The following LIPI variants were observed in gnomAD, a reference collection of about 807,000 sequenced individuals.
LIPI encodes the protein lipase member I.
LIPI carries 59 observed loss-of-function variants against 50.6 expected under a neutral mutation model. That is an observed-to-expected ratio of 1.16 (90% CI 0.94 to 1.45). The LOEUF is 1.45. Among genes scored for constraint, LIPI ranks in the 40% most tolerant of loss-of-function variants. LIPI has a pLI of 0.00. For missense variants in LIPI, 586 were observed against 536.3 expected (o/e 1.09, Z -0.92); for synonymous variants, 203 against 178.2 (o/e 1.14, Z -1.11).
Position 14,109,067 on chromosome 21 carries a change from TG to T in LIPI, c.1308del (p.Cys436Ter). ...CTGTCTTTAAGTACAATATTATACCTGCAAAGTGGTGGTCTGAGAAAGAGAA... is the reference window on the plus strand; with the variant it reads ...CTGTCTTTAAGTACAATATTATACCTCAAAGTGGTGGTCTGAGAAAGAGAA... ...SLTYPERPPL[C>X]RYNIVLKDRE... On this transcript the variant is annotated frameshift_variant, in exon 10 of 10. Coordinates refer to ENST00000681601, the MANE Select transcript of LIPI (RefSeq NM_001302998.2). LOFTEE classifies it high-confidence loss of function. 6.3e-7 allele frequency: 1 copy of T among 1,595,440 alleles called. No individual in the cohort carries two copies. Among genetic ancestry groups the T allele is most frequent in the Non-Finnish European group, 8.6e-7 (1 of 1,163,638 alleles).
chr21:14,133,890 C>T (rs2017391833), intron 9 of LIPI, among the ~76,000 whole-genome samples: 1 of 152,136 alleles, frequency 6.6e-6, no homozygotes, highest in Admixed American at 6.5e-5. Flanking sequence ...TGCTACAACA[C>T]ATTAAAATAC....
intron 1 of LIPI, among the ~76,000 whole-genome samples, chr21:14,208,346 T>A (rs2020279945): frequency 6.6e-6 from 1 of 152,200 alleles, no homozygotes; most frequent in African/African-American, 2.4e-5. Context: ...TTTTATCACA[T>A]ACTACAAGTT....
intron 1 of LIPI, among the ~76,000 whole-genome samples, chr21:14,203,423 TG>T (rs1387713368): frequency 2.0e-5 from 3 of 152,056 alleles, no homozygotes; most frequent in Non-Finnish European, 4.4e-5. Flanking sequence ...AGCAAAGACT[TG>T]GAACCAACCC....
chr21:14,210,621 G>GCA (rs1172611375), intron 1 of LIPI, among the ~76,000 whole-genome samples, 179 bp downstream of exon 1: 2 of 151,318 alleles, frequency 1.3e-5, no homozygotes, highest in South Asian at 2.1e-4. Context: ...ACAAACACAT[G>GCA]CACACACACA....
intron 9 of LIPI, among the ~76,000 whole-genome samples, chr21:14,133,398 A>G (rs1334487293): frequency 6.6e-6 from 1 of 152,220 alleles, no homozygotes; most frequent in African/African-American, 2.4e-5. Flanking sequence ...CAATAGATCT[A>G]GAAAAAGCAT....
At chr21:14,152,227 A>C (rs1033335510) in intron 8 of LIPI, among the ~76,000 whole-genome samples, 1 of 151,986 alleles carries the variant, frequency 6.6e-6, no homozygotes, top group Non-Finnish European at 1.5e-5. Context: ...CAGCCTCCTG[A>C]GTAGCTGGGA....
chr21:14,141,306 T>C (rs148217489), intron 9 of LIPI, among the ~76,000 whole-genome samples: 1 of 152,040 alleles, frequency 6.6e-6, no homozygotes, highest in Admixed American at 6.6e-5. Flanking sequence ...ATTCTATAAG[T>C]TATTGATAAA....
intron 8 of LIPI, among the ~76,000 whole-genome samples, chr21:14,149,963 G>A (rs1356058862): frequency 6.6e-6 from 1 of 152,206 alleles, no homozygotes; most frequent in Non-Finnish European, 1.5e-5. Flanking sequence ...CTGGAGGAAT[G>A]TAGCCTTTTT....
chr21:14,150,336 T>G (rs80234616), intron 8 of LIPI, among the ~76,000 whole-genome samples: 6,642 of 152,252 alleles, frequency 0.044, 352 homozygotes, highest in East Asian at 0.27. Context: ...ATCTCTAGGT[T>G]TTTGATACAT....
chr21:14,180,534 G>T (rs2019236384), intron 4 of LIPI, among the ~76,000 whole-genome samples: 1 of 152,188 alleles, frequency 6.6e-6, no homozygotes, highest in South Asian at 2.1e-4. Context: ...AATATCGGGG[G>T]TGGGTTCCCC....
At chr21:14,129,292 C>CGA (rs1321785834) in intron 9 of LIPI, among the ~76,000 whole-genome samples, 1 of 151,578 alleles carries the variant, frequency 6.6e-6, no homozygotes, top group Non-Finnish European at 1.5e-5. Context: ...TACAGAATGG[C>CGA]GAGACAAATA....
At chr21:14,138,824 T>C (rs539262818) in intron 9 of LIPI, among the ~76,000 whole-genome samples, 2 of 152,118 alleles carry the variant, frequency 1.3e-5, no homozygotes, top group Admixed American at 6.6e-5. Flanking sequence ...AGATCTTTCA[T>C]TTTATTTATT....
chr21:14,180,315 T>C (rs1185299322), intron 4 of LIPI, among the ~76,000 whole-genome samples: 2 of 152,182 alleles, frequency 1.3e-5, no homozygotes, highest in East Asian at 3.9e-4. Flanking sequence ...GCATGTGATC[T>C]TTGTACCTAC....
chr21:14,135,695 C>T (rs111468483), intron 9 of LIPI, among the ~76,000 whole-genome samples: 2 of 152,218 alleles, frequency 1.3e-5, no homozygotes, highest in African/African-American at 4.8e-5. Flanking sequence ...CCAAAGTACT[C>T]TTTGCCTCTA....
chr21:14,190,776 C>T (rs369742071), intron 1 of LIPI, among the ~76,000 whole-genome samples: 19 of 152,036 alleles, frequency 1.2e-4, no homozygotes, highest in Admixed American at 9.8e-4. Flanking sequence ...CATGCTACAC[C>T]GTGCAAATTG....
At position 14,165,392 on chromosome 21, in the gene LIPI, T is replaced by A. The variant is rs746546020; in HGVS notation, c.734-2A>T. 5 of 1,605,466 alleles carry A rather than the reference T, an allele frequency of 3.1e-6. No homozygotes were observed. Among genetic ancestry groups the A allele is most frequent in the Admixed American group, 1.7e-5 (1 of 59,734 alleles). ...GGTTGCATTTAATGAATTGAATTCC[T>A]TAAGGGTTAAAAAAAAAACAAAGAA... On this transcript the variant is annotated splice_acceptor_variant, in intron 5 of 9. Coordinates refer to ENST00000681601, the MANE Select transcript of LIPI (RefSeq NM_001302998.2). LOFTEE classifies it high-confidence loss of function.
At chr21:14,196,155 T>TAA (rs545007066) in intron 1 of LIPI, among the ~76,000 whole-genome samples, 4 of 74,718 alleles carry the variant, frequency 5.4e-5, no homozygotes, top group Non-Finnish European at 9.7e-5. Context: ...CACCAAATTG[T>TAA]AAAAAAAAAA....
At chr21:14,117,670 ACAC>A (rs1184087131) in intron 9 of LIPI, among the ~76,000 whole-genome samples, 10 of 152,182 alleles carry the variant, frequency 6.6e-5, no homozygotes, top group African/African-American at 2.4e-4. Flanking sequence ...CTGACTCTAC[ACAC>A]CTTTTGACCC....
chr21:14,163,915 C>T (rs1600882316), intron 6 of LIPI, among the ~76,000 whole-genome samples: 2 of 151,472 alleles, frequency 1.3e-5, no homozygotes, highest in Admixed American at 1.3e-4. Flanking sequence ...GTATAGCTCC[C>T]TAATTCTCCA....
Sources: gnomAD v4.1 joint callset for allele counts (sites outside exome capture counted in the v4.1 genomes callset) on GRCh38, gnomAD v4.1.1 for gene constraint, MANE v1.5 for transcripts, NCBI Gene and HGNC (gene_info 2026-07-23, HGNC 2026-07-21) for gene names.